The following RALGAPA1 variants were observed in gnomAD, a reference collection of about 807,000 sequenced individuals.
RALGAPA1 encodes Ral GTPase activating protein catalytic subunit alpha 1.
In RALGAPA1, 52 loss-of-function variants were observed where a neutral mutation model predicts 269.6. That is an observed-to-expected ratio of 0.19 (90% CI 0.15 to 0.24). The LOEUF (loss-of-function observed/expected upper bound fraction) is 0.24. Ranked by LOEUF, RALGAPA1 falls within the 10% of genes least tolerant of loss-of-function variation. RALGAPA1 has a pLI of 1.00. For missense variants in RALGAPA1, 1,917 were observed against 3,013.9 expected (o/e 0.64, Z 8.52); for synonymous variants, 817 against 1,008.3 (o/e 0.81, Z 3.60).
intron 16 of RALGAPA1, among the ~76,000 whole-genome samples, chr14:35,701,124 AG>A (rs1382243552): frequency 6.6e-6 from 1 of 152,190 alleles, no homozygotes; most frequent in Non-Finnish European, 1.5e-5. Context: ...GAGAGTCCCT[AG>A]TTCACAAAAA....
Position 35,742,440 on chromosome 14 carries a change from A to G in RALGAPA1, c.1377T>C (p.Ser459=). The G allele has an allele frequency of 6.2e-7, 1 of 1,605,322 alleles. No individual in the cohort carries two copies. The highest frequency in any genetic ancestry group is 8.5e-7 in the Non-Finnish European group (1 of 1,173,246). ...MQEPEEIVIT[S]SDLPCIENVT... The stretch of plus-strand genomic sequence containing the variant: ...CATTTTCAATGCAAGGGAGGTCTGA[A>G]GAAGTGATCACAATTTCTTCAGGCT... The change falls in exon 11 of 42, where the codon TCT becomes TCC. Residue 459 remains serine (S), a synonymous_variant. Transcript: ENST00000680220.
At chr14:35,635,720 TA>T (rs761070633) in intron 31 of RALGAPA1, 122 bp from the exon 32 acceptor site, 10 of 766,876 alleles carry the variant, frequency 1.3e-5, no homozygotes, top group Non-Finnish European at 1.9e-5. Context: ...TAAGTTCCAC[TA>T]TTAATATTTA....
chr14:35,777,413 C>G (rs1170586974), intron 1 of RALGAPA1, among the ~76,000 whole-genome samples: 2 of 152,120 alleles, frequency 1.3e-5, no homozygotes, highest in African/African-American at 4.8e-5. Flanking sequence ...GGGAGCATGA[C>G]TAGTTTTATT....
intron 1 of RALGAPA1, among the ~76,000 whole-genome samples, chr14:35,785,371 T>C (rs972824161): frequency 6.6e-6 from 1 of 152,246 alleles, no homozygotes; most frequent in Non-Finnish European, 1.5e-5. Context: ...TCTTCACAGA[T>C]AGCTTGAGAA....
At chr14:35,651,999 T>C in intron 30 of RALGAPA1, 126 bp from the exon 31 acceptor site, 5 of 583,698 alleles carry the variant, frequency 8.6e-6, no homozygotes, top group Non-Finnish European at 1.4e-5. Flanking sequence ...CTAAACACAT[T>C]AACACTGTTA....
intron 1 of RALGAPA1, among the ~76,000 whole-genome samples, chr14:35,777,613 A>C (rs889134405): frequency 6.6e-6 from 1 of 152,038 alleles, no homozygotes; most frequent in East Asian, 1.9e-4. Flanking sequence ...CCCAGGCTGT[A>C]GTGTAGTGGT....
At chr14:35,763,086 A>G (rs1186194301) in intron 4 of RALGAPA1, among the ~76,000 whole-genome samples, 1 of 152,240 alleles carries the variant, frequency 6.6e-6, no homozygotes, top group African/African-American at 2.4e-5. Context: ...GAAATCCACT[A>G]TAGAAAATTT....
intron 16 of RALGAPA1, among the ~76,000 whole-genome samples, chr14:35,713,880 G>T (rs1201238046): frequency 6.6e-6 from 1 of 152,112 alleles, no homozygotes; most frequent in Non-Finnish European, 1.5e-5. Flanking sequence ...TGGACTACTT[G>T]AGGCCAGGAG....
At chr14:35,797,802 A>G (rs10135245) in intron 1 of RALGAPA1, among the ~76,000 whole-genome samples, 51,340 of 149,264 alleles carry the variant, frequency 0.34, 12,238 homozygotes, top group African/African-American at 0.67. Flanking sequence ...CCGAGATCCT[A>G]CCATTGCACT....
intron 13 of RALGAPA1, 26 bp downstream of exon 13, chr14:35,728,330 CACATAG>C (rs749919802): frequency 8.5e-5 from 129 of 1,510,550 alleles, no homozygotes; most frequent in Middle Eastern, 2.4e-4. Flanking sequence ...ACAATAAAAA[CACATAG>C]ACATAAAGGA....
chr14:35,707,984 A>T (rs2067951264), intron 16 of RALGAPA1, among the ~76,000 whole-genome samples: 1 of 152,166 alleles, frequency 6.6e-6, no homozygotes, highest in Non-Finnish European at 1.5e-5. Context: ...ACTCATTTTC[A>T]ATAAAAATGC....
intron 21 of RALGAPA1, among the ~76,000 whole-genome samples, chr14:35,679,166 T>C (rs1215945480): frequency 6.6e-6 from 1 of 152,210 alleles, no homozygotes; most frequent in Non-Finnish European, 1.5e-5. Flanking sequence ...GTGGTTATAA[T>C]ATAGTGCCGC....
intron 5 of RALGAPA1, among the ~76,000 whole-genome samples, chr14:35,762,482 C>T (rs1293654227): frequency 6.6e-6 from 1 of 152,176 alleles, no homozygotes; most frequent in Non-Finnish European, 1.5e-5. Flanking sequence ...TCTCAAACTC[C>T]TGGCTTCAAG....
At chr14:35,566,369 T>C (rs940386728) in intron 39 of RALGAPA1, among the ~76,000 whole-genome samples, 2 of 152,148 alleles carry the variant, frequency 1.3e-5, no homozygotes, top group Non-Finnish European at 2.9e-5. Context: ...AACATGTTCC[T>C]AGGATAAAAT....
At chr14:35,559,178 T>C (rs2055918576) in intron 39 of RALGAPA1, among the ~76,000 whole-genome samples, 1 of 152,174 alleles carries the variant, frequency 6.6e-6, no homozygotes, top group African/African-American at 2.4e-5. Context: ...AGAAAATGGA[T>C]AGATTTGTGA....
chr14:35,557,123 T>TGTGTGC (rs1184110560), intron 39 of RALGAPA1, among the ~76,000 whole-genome samples: 1 of 150,718 alleles, frequency 6.6e-6, no homozygotes, highest in Non-Finnish European at 1.5e-5. Context: ...TGTGTGTGTG[T>TGTGTGC]GTGTGTGTGT....
At chr14:35,805,197 G>A (rs2077270695) in intron 1 of RALGAPA1, among the ~76,000 whole-genome samples, 1 of 151,914 alleles carries the variant, frequency 6.6e-6, no homozygotes, top group South Asian at 2.1e-4. Flanking sequence ...GCTGAGGCGG[G>A]GGGACTGCCT....
intron 34 of RALGAPA1, among the ~76,000 whole-genome samples, chr14:35,625,656 T>C (rs956529118): frequency 1.3e-5 from 2 of 152,230 alleles, no homozygotes; most frequent in African/African-American, 2.4e-5. Context: ...AATTGGCCAC[T>C]TGAATCTTTC....
Position 35,776,279 on chromosome 14 carries a change from G to A in RALGAPA1, c.107-534C>T, listed in dbSNP as rs187967755. Among the ~76,000 whole-genome samples the A allele has an allele frequency of 3.8e-4, 58 of 152,126 alleles. 1 individual carries two copies. The highest frequency in any genetic ancestry group is 3.7e-3 in the Admixed American group (56 of 15,260). On this transcript the variant is annotated intron_variant, in intron 1 of 41. Transcript: ENST00000680220. ...ACCTGTAATCCCAGCTACTTGGGAG[G>A]CTGAGGCACGAGAATCACTTGAACC...
Sources: gnomAD v4.1 joint callset for allele counts (sites outside exome capture counted in the v4.1 genomes callset) on GRCh38, gnomAD v4.1.1 for gene constraint, MANE v1.5 for transcripts, NCBI Gene and HGNC (gene_info 2026-07-23, HGNC 2026-07-21) for gene names.